Variants in NTRK3 observed in about 807,000 individuals in gnomAD.
NTRK3 encodes NT-3 growth factor receptor.
NTRK3 carries 24 observed loss-of-function variants against 91.7 expected under a neutral mutation model. The ratio of observed to expected loss-of-function variants is 0.26; its 90% CI spans 0.19 to 0.37. The LOEUF is 0.37. Among genes scored for constraint, NTRK3 ranks in the 10% least tolerant of loss-of-function variants. The probability of loss-of-function intolerance (pLI) is 1.00; values close to 1 mark genes in which losing one functional copy is unlikely to be tolerated. For synonymous variants in NTRK3, 483 were observed against 404.0 expected, an observed-to-expected ratio of 1.20 and a Z score of -2.34; for missense variants, 880 against 1,068.9, an observed-to-expected ratio of 0.82 and a Z score of 2.46.
At chr15:88,104,114 C>T (rs1424473806) in intron 13 of NTRK3, among the ~76,000 whole-genome samples, 2 of 152,166 alleles carry the variant, frequency 1.3e-5, no homozygotes, top group Admixed American at 6.5e-5. Flanking sequence ...TCAGAGAATA[C>T]CACTTTATAG....
chr15:88,147,302 C>T (rs2151311493), intron 6 of NTRK3, 33 bp downstream of exon 6: 1 of 1,598,902 alleles, frequency 6.3e-7, no homozygotes, highest in Non-Finnish European at 8.6e-7. Context: ...ACCAGCACTT[C>T]AGTACCTGGA....
chr15:88,002,492 TCTAA>T (rs2076182602), intron 14 of NTRK3, among the ~76,000 whole-genome samples: 2 of 151,990 alleles, frequency 1.3e-5, no homozygotes, highest in East Asian at 1.9e-4. Flanking sequence ...AATTAATATA[TCTAA>T]CTAACACCAA....
rs367965258 is a variant in NTRK3, at chr15:87,864,971, G to A, written c.*11964C>T. On this transcript the variant is annotated 3_prime_UTR_variant, in exon 19 of 19. Transcript: ENST00000394480. The stretch of plus-strand genomic sequence containing the variant: ...AAAGCTGGGATGCTTTTTGTCTACT[G>A]AACAGTAGTCCGAAACAGAGGTGTT... 2.3e-5 allele frequency: 5 copies of A among 215,160 alleles called. No homozygotes were observed. The East Asian group carries it at 2.8e-4, about 12-fold the overall frequency. 13.3% of individuals were successfully genotyped at this position (215,160 alleles called of 1,614,324 possible).
chr15:87,890,230 G>C (rs1246413590), intron 17 of NTRK3, among the ~76,000 whole-genome samples: 8 of 152,000 alleles, frequency 5.3e-5, no homozygotes, highest in Non-Finnish European at 7.4e-5. Flanking sequence ...CTGATCAGTG[G>C]ATTCAATCTG....
intron 17 of NTRK3, among the ~76,000 whole-genome samples, chr15:87,895,502 AG>A (rs1216429980): frequency 6.6e-6 from 1 of 152,044 alleles, no homozygotes; most frequent in Non-Finnish European, 1.5e-5. Flanking sequence ...TGGCATAACA[AG>A]GAAAAAAATC....
chr15:87,954,214 C>G (rs2071444325), intron 14 of NTRK3, among the ~76,000 whole-genome samples: 1 of 152,148 alleles, frequency 6.6e-6, no homozygotes, highest in Non-Finnish European at 1.5e-5. Flanking sequence ...CCCTTGGGCT[C>G]TCTTTGTACA....
At chr15:87,883,202 T>C (rs919705885) in intron 17 of NTRK3, among the ~76,000 whole-genome samples, 5 of 150,280 alleles carry the variant, frequency 3.3e-5, no homozygotes, top group Admixed American at 3.3e-4. Context: ...TTCATATATA[T>C]GTGAAAAAAA....
At chr15:87,898,336 A>G (rs2066252582) in intron 17 of NTRK3, among the ~76,000 whole-genome samples, 1 of 152,162 alleles carries the variant, frequency 6.6e-6, no homozygotes, top group Non-Finnish European at 1.5e-5. Context: ...TTGTAGGTTC[A>G]AGGCAGTTCC....
chr15:88,101,559 C>T (rs978553026), intron 13 of NTRK3, among the ~76,000 whole-genome samples: 15 of 152,212 alleles, frequency 9.9e-5, no homozygotes, highest in Non-Finnish European at 1.6e-4. Flanking sequence ...TATAAAGACA[C>T]ATGCACTCGT....
intron 10 of NTRK3, among the ~76,000 whole-genome samples, chr15:88,130,457 G>A (rs1351008355): frequency 1.3e-5 from 2 of 152,132 alleles, no homozygotes; most frequent in African/African-American, 4.8e-5. Flanking sequence ...ATATTATACT[G>A]ATTTCTTACA....
chr15:88,176,172 C>T (rs1196124839), intron 5 of NTRK3, among the ~76,000 whole-genome samples: 2 of 133,484 alleles, frequency 1.5e-5, no homozygotes, highest in African/African-American at 6.0e-5. Context: ...GAGTCTCACT[C>T]TGTCACCAGG....
intron 13 of NTRK3, among the ~76,000 whole-genome samples, chr15:88,069,645 AGGGCTGGAGGCAGATGG>A (rs1025464044): frequency 6.6e-6 from 1 of 152,202 alleles, no homozygotes; most frequent in Non-Finnish European, 1.5e-5. Flanking sequence ...CTGTGTTAAC[AGGGCTGGAGGCAGATGG>A]GGCCACGATA....
chr15:87,872,245 A>T (rs553970660), exon 19 of NTRK3: 1 of 219,522 alleles, frequency 4.6e-6, no homozygotes, highest in Non-Finnish European at 9.1e-6. Context: ...CAAAGCACTA[A>T]AAAGACCCTT....
exon 19 of NTRK3, chr15:87,866,524 T>C (rs2064683296): frequency 5.8e-6 from 1 of 170,976 alleles, no homozygotes; most frequent in South Asian, 2.0e-4. Flanking sequence ...TATTTTAATA[T>C]GTATATATAT....
At chr15:88,026,043 G>A (rs890659041) in intron 14 of NTRK3, among the ~76,000 whole-genome samples, 2 of 152,158 alleles carry the variant, frequency 1.3e-5, no homozygotes, top group Non-Finnish European at 1.5e-5. Context: ...AGGCCGGGAC[G>A]GGTAGATCAC....
In NTRK3 at chr15:88,154,865, G is replaced by C. The variant is rs183219011; in HGVS notation, c.396-7462C>G. Reference sequence around the variant, plus strand: ...AGCTTTTACTGTAAGAGAAGGACCTGGCAAACTGTGTCTCTCAAACTTACT... The same window carrying C: ...AGCTTTTACTGTAAGAGAAGGACCTCGCAAACTGTGTCTCTCAAACTTACT... On this transcript the variant is annotated intron_variant, in intron 5 of 18. Coordinates refer to ENST00000394480, the Ensembl canonical transcript of NTRK3. Among the ~76,000 whole-genome samples, 186 of 152,326 alleles carry C rather than the reference G, an allele frequency of 1.2e-3. 1 individual carries two copies. Among genetic ancestry groups the C allele is most frequent in the African/African-American group, 4.1e-3 (171 of 41,578 alleles).
chr15:88,179,635 AC>A (rs1174674315), intron 5 of NTRK3, among the ~76,000 whole-genome samples: 4 of 152,144 alleles, frequency 2.6e-5, no homozygotes, highest in Non-Finnish European at 5.9e-5. Flanking sequence ...GAGAAAACAC[AC>A]CCCATAAAGG....
At chr15:87,877,710 T>C (rs1384559096) in intron 18 of NTRK3, among the ~76,000 whole-genome samples, 1 of 152,126 alleles carries the variant, frequency 6.6e-6, no homozygotes, top group Non-Finnish European at 1.5e-5. Flanking sequence ...CACTAAACCA[T>C]GCTTCCAGTT....
chr15:87,965,788 C>T (rs1179697660), intron 14 of NTRK3, among the ~76,000 whole-genome samples: 1 of 152,166 alleles, frequency 6.6e-6, no homozygotes, highest in Non-Finnish European at 1.5e-5. Flanking sequence ...TTTTTAAGAA[C>T]TCCATTAGGC....
Sources: gnomAD v4.1 joint callset for allele counts (sites outside exome capture counted in the v4.1 genomes callset) on GRCh38, gnomAD v4.1.1 for gene constraint, MANE v1.5 for transcripts, NCBI Gene and HGNC (gene_info 2026-07-23, HGNC 2026-07-21) for gene names.